GLI2: variants seen among roughly 807,000 people sequenced by gnomAD.
The protein encoded by GLI2 is GLI family zinc finger 2, also known as transcription activator GLI2.
GLI2 carries 22 observed loss-of-function variants against 78.9 expected under a neutral mutation model. The observed-to-expected ratio is 0.28, with a 90% confidence interval of 0.20 to 0.40. The LOEUF (loss-of-function observed/expected upper bound fraction) is 0.40, where lower values mean the gene tolerates loss of function less well. GLI2 is among the 10% of genes least tolerant of loss of function. The probability of loss-of-function intolerance (pLI) is 1.00; values close to 1 mark genes in which losing one functional copy is unlikely to be tolerated. For missense variants in GLI2, 2,097 were observed against 2,213.2 expected (o/e 0.95, Z 1.05); for synonymous variants, 974 against 963.7 (o/e 1.01, Z -0.20).
intron 2 of GLI2, among the ~76,000 whole-genome samples, chr2:120,904,047 T>C (rs375629938): frequency 1.1e-4 from 17 of 152,118 alleles, no homozygotes; most frequent in African/African-American, 4.1e-4. Flanking sequence ...GGGAGGAGGC[T>C]GTCCCCCTCC....
chr2:120,756,218 C>T (rs894218875), intron 1 of GLI2, among the ~76,000 whole-genome samples: 1 of 152,026 alleles, frequency 6.6e-6, no homozygotes, highest in African/African-American at 2.4e-5. Context: ...TATGTCCTTC[C>T]ATTTATTTAC....
rs1261525498 is a variant in GLI2 at position 120,772,640 on chromosome 2, G to A, written c.-30-24651G>A. 4.6e-5 allele frequency among the ~76,000 whole-genome samples: 7 copies of A among 152,262 alleles called. 1 individual carries two copies. The highest frequency in any genetic ancestry group is 4.6e-4 in the Admixed American group (7 of 15,288). On this transcript the variant is annotated intron_variant, in intron 1 of 13. Coordinates refer to ENST00000361492, the MANE Select transcript of GLI2 (RefSeq NM_001374353.1). Reference sequence around the variant, plus strand: ...TGCCTGACCCTTGGCCCTTGTTGGAGAAGGCGGAATGAATATCTTCTGCTG... The same window carrying A: ...TGCCTGACCCTTGGCCCTTGTTGGAAAAGGCGGAATGAATATCTTCTGCTG...
intron 3 of GLI2, among the ~76,000 whole-genome samples, chr2:120,945,713 G>A (rs1475398028): frequency 2.0e-5 from 3 of 152,094 alleles, no homozygotes; most frequent in African/African-American, 7.2e-5. Flanking sequence ...GCAGCCCCAC[G>A]CTTGCACCCT....
In GLI2 at chr2:120,740,085, T is replaced by A. The variant is rs575005578; in HGVS notation, c.-31+3800T>A. Among the ~76,000 whole-genome samples the A allele has an allele frequency of 1.3e-4, 19 of 151,580 alleles. No individual in the cohort carries two copies. In the East Asian group the frequency reaches 3.3e-3, roughly 26 times the overall value. ...ATTTTCTCTGAAATTAATTTGAGGG[T>A]TTGCTGTGGAATATCAAGAATTAAA... On this transcript the variant is annotated intron_variant, in intron 1 of 13. Coordinates refer to ENST00000361492, the MANE Select transcript of GLI2 (RefSeq NM_001374353.1).
chr2:120,770,210 C>A (rs1426893462), intron 1 of GLI2, among the ~76,000 whole-genome samples: 1 of 152,224 alleles, frequency 6.6e-6, no homozygotes, highest in African/African-American at 2.4e-5. Context: ...ACAAACACAT[C>A]CACTGTTCTC....
intron 1 of GLI2, among the ~76,000 whole-genome samples, chr2:120,748,274 A>T (rs768777301): frequency 8.5e-5 from 13 of 152,252 alleles, no homozygotes; most frequent in Non-Finnish European, 1.9e-4. Flanking sequence ...GCTTGCAGCT[A>T]CTAGTCAGAG....
chr2:120,736,803 T>C (rs1573540812), intron 1 of GLI2, among the ~76,000 whole-genome samples: 1 of 151,870 alleles, frequency 6.6e-6, no homozygotes, highest in Middle Eastern at 3.4e-3. Context: ...CTTTCTTTCT[T>C]CCTTCCTCAA....
chr2:120,844,944 T>G (rs1187398671), intron 2 of GLI2, among the ~76,000 whole-genome samples: 1 of 146,786 alleles, frequency 6.8e-6, no homozygotes, highest in African/African-American at 2.7e-5. Context: ...AATTGCCCCC[T>G]GTGTAGACTG....
At chr2:120,774,293 C>T (rs1180419174) in intron 1 of GLI2, among the ~76,000 whole-genome samples, 1 of 152,150 alleles carries the variant, frequency 6.6e-6, no homozygotes, top group Non-Finnish European at 1.5e-5. Flanking sequence ...TAAATAACTG[C>T]TTTATTGAGA....
chr2:120,848,126 G>C (rs1418125584), intron 2 of GLI2, among the ~76,000 whole-genome samples: 1 of 152,238 alleles, frequency 6.6e-6, no homozygotes, highest in Non-Finnish European at 1.5e-5. Context: ...CCCGCAGACC[G>C]CGCAGCGCGC....
chr2:120,760,078 A>G (rs1211098752), intron 1 of GLI2, among the ~76,000 whole-genome samples: 1 of 152,216 alleles, frequency 6.6e-6, no homozygotes, highest in Non-Finnish European at 1.5e-5. Context: ...CTCCAGTAGC[A>G]TCCCCCGGCC....
At chr2:120,940,568 C>T (rs912010235) in intron 3 of GLI2, among the ~76,000 whole-genome samples, 2 of 152,208 alleles carry the variant, frequency 1.3e-5, no homozygotes, top group African/African-American at 2.4e-5. Flanking sequence ...TCTTCCTGCT[C>T]CAGCACCTTG....
chr2:120,829,937 A>G (rs900160466), intron 2 of GLI2, among the ~76,000 whole-genome samples: 4 of 152,108 alleles, frequency 2.6e-5, no homozygotes, highest in African/African-American at 9.7e-5. Context: ...GAGGGGGCGC[A>G]TGTTTTGCTA....
chr2:120,914,918 A>G (rs1269690753), intron 2 of GLI2, among the ~76,000 whole-genome samples: 1 of 152,204 alleles, frequency 6.6e-6, no homozygotes, highest in Admixed American at 6.5e-5. Flanking sequence ...ACAGGACACT[A>G]TGCCGCCTCT....
Position 120,840,802 on chromosome 2 carries a change from G to A in GLI2, c.148+43334G>A, listed in dbSNP as rs951324073. ...TGCAGCGATCCCATGGCCTTTGCAC[G>A]TGGGGGTCTCGGATCCCCCTTCTTG... On this transcript the variant is annotated intron_variant, in intron 2 of 13. Coordinates refer to ENST00000361492, the MANE Select transcript of GLI2 (RefSeq NM_001374353.1). 6.6e-5 allele frequency among the ~76,000 whole-genome samples: 10 copies of A among 152,162 alleles called. No individual in the cohort carries two copies. In the East Asian group the frequency reaches 1.2e-3, roughly 18 times the overall value.
At chr2:120,974,475 G>A (rs1198288641) in intron 8 of GLI2, among the ~76,000 whole-genome samples, 2 of 152,192 alleles carry the variant, frequency 1.3e-5, no homozygotes, top group African/African-American at 2.4e-5. Flanking sequence ...ATGTCTCAGG[G>A]GTCTTTCCTT....
chr2:120,935,773 C>T (rs1680167918), intron 3 of GLI2, among the ~76,000 whole-genome samples: 2 of 152,202 alleles, frequency 1.3e-5, no homozygotes, highest in South Asian at 4.1e-4. Flanking sequence ...GCCAAGAATG[C>T]ACTCGCTGGG....
intron 2 of GLI2, among the ~76,000 whole-genome samples, chr2:120,824,451 C>A (rs1276570195): frequency 6.6e-6 from 1 of 152,234 alleles, no homozygotes; most frequent in African/African-American, 2.4e-5. Flanking sequence ...GCTGCTGATC[C>A]TCAGGCCCAC....
intron 2 of GLI2, among the ~76,000 whole-genome samples, chr2:120,873,230 T>C (rs187728920): frequency 8.7e-4 from 133 of 152,354 alleles, no homozygotes; most frequent in Non-Finnish European, 1.7e-3. Context: ...TCAAAAATTA[T>C]TGGTAGCTTC....
Sources: gnomAD v4.1 joint callset for allele counts (sites outside exome capture counted in the v4.1 genomes callset) on GRCh38, gnomAD v4.1.1 for gene constraint, MANE v1.5 for transcripts, NCBI Gene and HGNC (gene_info 2026-07-23, HGNC 2026-07-21) for gene names.